The following NREP variants were observed in gnomAD, a reference collection of about 807,000 sequenced individuals.
The protein encoded by NREP is neuronal regeneration related protein, also known as neuronal regeneration-related protein.
NREP carries 5 observed loss-of-function variants against 8.6 expected under a neutral mutation model. That is an observed-to-expected ratio of 0.58 (90% CI 0.30 to 1.22). NREP has a LOEUF of 1.22. NREP is among the 50% of genes most tolerant of loss of function. The pLI is 0.07. For synonymous variants in NREP, 27 were observed against 28.0 expected, an observed-to-expected ratio of 0.96 and a Z score of 0.11; for missense variants, 86 against 82.5, an observed-to-expected ratio of 1.04 and a Z score of -0.17.
chr5:111,738,565 A>C (rs957593192), intron 2 of NREP: 1 of 152,220 alleles, frequency 6.6e-6, no homozygotes, highest in African/African-American at 2.4e-5. Context: ...TCATGCAGCA[A>C]GAGTTCATGA....
chr5:111,837,036 TA>T (rs1053573850), intron 2 of NREP, among the ~76,000 whole-genome samples: 1 of 152,110 alleles, frequency 6.6e-6, no homozygotes, highest in African/African-American at 2.4e-5. Context: ...CAGAAGGTAC[TA>T]AGTTTATTTT....
At chr5:111,736,212 A>G (rs1017890455) in intron 2 of NREP, among the ~76,000 whole-genome samples, 8 of 152,120 alleles carry the variant, frequency 5.3e-5, no homozygotes, top group African/African-American at 1.7e-4. Flanking sequence ...GGAGAGGGGA[A>G]AGGCCTTAAA....
intron 2 of NREP, among the ~76,000 whole-genome samples, chr5:111,753,211 C>T (rs544984709): frequency 1.1e-3 from 167 of 151,774 alleles, no homozygotes; most frequent in Admixed American, 2.4e-3. Flanking sequence ...TTGAGTTGCA[C>T]AACCCTAGGT....
intron 2 of NREP, among the ~76,000 whole-genome samples, chr5:111,927,522 T>C (rs549281562): frequency 6.6e-6 from 1 of 152,134 alleles, no homozygotes; most frequent in Non-Finnish European, 1.5e-5. Flanking sequence ...TAAGGGAAAG[T>C]TAAGCTTGAG....
intron 2 of NREP, among the ~76,000 whole-genome samples, chr5:111,772,463 G>GACCC (rs1300684858): frequency 6.6e-6 from 1 of 151,810 alleles, no homozygotes; most frequent in Non-Finnish European, 1.5e-5. Flanking sequence ...ATTACATTTT[G>GACCC]ACCCAAGAAA....
At chr5:111,757,430 C>T, upstream of NREP, 2 of 983,932 alleles carry the variant, frequency 2.0e-6, no homozygotes, top group Non-Finnish European at 2.4e-6. Flanking sequence ...CTAAGAGTCT[C>T]TCTCTCTCCC....
intron 2 of NREP, among the ~76,000 whole-genome samples, chr5:111,924,666 G>C (rs1020838169): frequency 6.6e-6 from 1 of 152,156 alleles, no homozygotes; most frequent in East Asian, 1.9e-4. Flanking sequence ...TGCAGTGTCT[G>C]AGGAGGCCTT....
chr5:111,739,967 G>C (rs2112809268), intron 2 of NREP, among the ~76,000 whole-genome samples: 1 of 150,108 alleles, frequency 6.7e-6, no homozygotes, highest in Non-Finnish European at 1.5e-5. Context: ...TAGAAAATCA[G>C]AAAAGCAAAT....
intron 2 of NREP, among the ~76,000 whole-genome samples, chr5:111,959,917 C>T (rs1756435140): frequency 1.3e-5 from 2 of 149,944 alleles, no homozygotes; most frequent in African/African-American, 2.4e-5. Context: ...TGTATTATAA[C>T]CAGGATTTTT....
At chr5:111,938,681 GCCTATTGTAAA>G (rs1755750172) in intron 2 of NREP, among the ~76,000 whole-genome samples, 5 of 151,930 alleles carry the variant, frequency 3.3e-5, no homozygotes, top group African/African-American at 1.2e-4. Flanking sequence ...AACCTCAAAG[GCCTATTGTAAA>G]CTTTAAATGC....
intron 2 of NREP, among the ~76,000 whole-genome samples, chr5:111,948,227 A>G (rs370302039): frequency 1.3e-5 from 2 of 152,254 alleles, no homozygotes; most frequent in East Asian, 3.9e-4. Flanking sequence ...TGGAAAGATC[A>G]GGTCAACGTG....
intron 2 of NREP, among the ~76,000 whole-genome samples, chr5:111,934,918 T>C (rs898297702): frequency 6.6e-6 from 1 of 152,030 alleles, no homozygotes; most frequent in Non-Finnish European, 1.5e-5. Context: ...AGATGCTGCT[T>C]TGCCTATGGG....
At chr5:111,805,442 A>G (rs1030041269) in intron 2 of NREP, among the ~76,000 whole-genome samples, 2 of 152,244 alleles carry the variant, frequency 1.3e-5, no homozygotes, top group Non-Finnish European at 2.9e-5. Context: ...GAGATTGGAT[A>G]AACTATGTTA....
intron 2 of NREP, among the ~76,000 whole-genome samples, chr5:111,901,730 C>A (rs879698406): frequency 1.8e-4 from 28 of 152,090 alleles, no homozygotes; most frequent in Non-Finnish European, 3.5e-4. Flanking sequence ...ATAAAATGCT[C>A]AGGAATACAC....
At chr5:111,813,608 G>T (rs1299589075) in intron 2 of NREP, among the ~76,000 whole-genome samples, 2 of 151,902 alleles carry the variant, frequency 1.3e-5, no homozygotes, top group African/African-American at 2.4e-5. Flanking sequence ...AAAAAATATT[G>T]TCCAAAGTGT....
At chr5:111,905,649 A>T (rs1283838508) in intron 2 of NREP, among the ~76,000 whole-genome samples, 2 of 152,148 alleles carry the variant, frequency 1.3e-5, no homozygotes, top group Non-Finnish European at 2.9e-5. Context: ...ATCGAAAGAG[A>T]ACTTTATGAT....
chr5:111,825,196 T>A (rs992077095), intron 2 of NREP, among the ~76,000 whole-genome samples: 8 of 152,018 alleles, frequency 5.3e-5, no homozygotes, highest in African/African-American at 1.9e-4. Context: ...AAAACTCAAA[T>A]AAATAAATAA....
chr5:111,935,402 C>T (rs983535340), intron 2 of NREP, among the ~76,000 whole-genome samples: 1 of 152,052 alleles, frequency 6.6e-6, no homozygotes, highest in Non-Finnish European at 1.5e-5. Flanking sequence ...AAGCTTTGAA[C>T]AACAGAGACC....
At position 111,975,273 on chromosome 5, in the gene NREP, C is replaced by T; in HGVS notation, c.135+1G>A. On this transcript the variant is annotated splice_donor_variant, in intron 2 of 3. Transcript: ENST00000395634. LOFTEE classifies it high-confidence loss of function. Reference sequence around the variant, plus strand: ...CAAATCAGGATAGCAGTTTGTCTTACACAATTCAGAACAGAAATCTGGCAG... The same window carrying T: ...CAAATCAGGATAGCAGTTTGTCTTATACAATTCAGAACAGAAATCTGGCAG... The T allele has an allele frequency of 6.5e-7, 1 of 1,548,878 alleles. No homozygotes were observed. Among genetic ancestry groups the T allele is most frequent in the South Asian group, 1.2e-5 (1 of 84,004 alleles).
Sources: allele counts gnomAD v4.1 joint callset (sites outside exome capture counted in the v4.1 genomes callset), GRCh38; gene constraint gnomAD v4.1.1; transcripts MANE v1.5; gene names NCBI Gene and HGNC (gene_info 2026-07-23, HGNC 2026-07-21).